RESP18: variants seen among roughly 807,000 people sequenced by gnomAD.
RESP18 encodes regulated endocrine-specific protein 18.
Under a neutral mutation model 30.0 loss-of-function variants are expected in RESP18, and 30 were observed. The observed-to-expected ratio is 1.00, with a 90% CI of 0.75 to 1.36. RESP18 has a LOEUF of 1.36. RESP18 is among the 40% of genes most tolerant of loss of function. RESP18 has a pLI of 0.00. For synonymous variants in RESP18, 117 were observed against 111.2 expected (o/e 1.05, Z -0.33); for missense variants, 320 against 284.2 (o/e 1.13, Z -0.91).
At chr2:219,333,062 A>T in intron 1 of RESP18, 1 of 1,099,634 alleles carries the variant, frequency 9.1e-7, no homozygotes, top group Non-Finnish European at 1.2e-6. Context: ...ACTCTGGCCC[A>T]CTTAAAACCC....
At position 219,329,240 on chromosome 2, in the gene RESP18, T is replaced by C; in HGVS notation, c.478A>G (p.Lys160Glu). The stretch of plus-strand genomic sequence containing the variant: ...GTAAAGCACTGATCCCTGTTCACCT[T>C]GGCCAGGGGGCTCTGTGAGGAGGGA... The change falls in exon 5 of 7, where the codon AAG (lysine) becomes GAG (glutamate). Residue 160 changes from lysine (K) to glutamate (E), a missense_variant. Coordinates refer to ENST00000333527, the MANE Select transcript of RESP18 (RefSeq NM_001007089.4). 2 of 1,551,678 alleles carry C rather than the reference T, an allele frequency of 1.3e-6. No homozygotes were observed. Among genetic ancestry groups the C allele is most frequent in the Non-Finnish European group, 1.7e-6 (2 of 1,146,984 alleles).
chr2:219,327,457 G>A lies in RESP18; in HGVS notation c.*60C>T. 1 of 1,422,652 alleles carries A rather than the reference G, an allele frequency of 7.0e-7. No individual in the cohort carries two copies. The highest frequency in any genetic ancestry group is 9.7e-7 in the Non-Finnish European group (1 of 1,029,834). 88.1% of individuals were successfully genotyped at this position (1,422,652 alleles called of 1,614,324 possible). On this transcript the variant is annotated 3_prime_UTR_variant, in exon 7 of 7. Coordinates refer to ENST00000333527, the MANE Select transcript of RESP18 (RefSeq NM_001007089.4). ...TTCAAATCTGGGTCATCCAAGAACT[G>A]CTCCTCTGAAGGGCAATGGGAAGGG... is the stretch of plus-strand genomic sequence containing the variant.
In RESP18 at chr2:219,329,618, C is replaced by T; in HGVS notation, c.465+19G>A. 1.3e-6 allele frequency: 2 copies of T among 1,551,128 alleles called. No individual in the cohort carries two copies. The highest frequency in any genetic ancestry group is 1.8e-4 in the Middle Eastern group (1 of 5,684). On this transcript the variant is annotated intron_variant, in intron 4 of 6. Coordinates refer to ENST00000333527, the MANE Select transcript of RESP18 (RefSeq NM_001007089.4). The stretch of plus-strand genomic sequence containing the variant: ...TCTGCCAGAATGCTTGGAATGACCA[C>T]AGGCCTCATGCACCTCACCTCAGTG...
rs1440512097 is a variant in RESP18 at position 219,333,115 on chromosome 2, AATATTATATAT to A, written c.17+35_17+45del. Reference sequence around the variant, plus strand: ...TTCGATCTGCTATATATATATATATAATATTATATATTATATATTATATATGGCACATCCAT... The same window carrying A: ...TTCGATCTGCTATATATATATATATATATATATTATATATGGCACATCCAT... On this transcript the variant is annotated intron_variant, in intron 1 of 6. Coordinates refer to ENST00000333527, the MANE Select transcript of RESP18 (RefSeq NM_001007089.4). 7.8e-6 allele frequency: 8 copies of A among 1,030,866 alleles called. No homozygotes were observed. The Admixed American group carries it at 3.7e-4, about 48-fold the overall frequency. 63.9% of individuals were successfully genotyped at this position (1,030,866 alleles called of 1,614,324 possible). A position where few individuals can be genotyped will look rare whatever the true frequency, so the allele number is the denominator to read the frequency against.
At chr2:219,331,664 TTCTC>T (rs1952832359) in intron 2 of RESP18, among the ~76,000 whole-genome samples, 1 of 151,802 alleles carries the variant, frequency 6.6e-6, no homozygotes, top group Non-Finnish European at 1.5e-5. Flanking sequence ...GGGGAGCTGA[TTCTC>T]TGAGGCAGCG....
chr2:219,332,786 C>T, intron 1 of RESP18, 42 bp from the exon 1 acceptor site: 6 of 1,435,774 alleles, frequency 4.2e-6, no homozygotes, highest in African/African-American at 1.4e-5. Flanking sequence ...CGGGCCCTGC[C>T]CCTGCGGTCG....
chr2:219,330,720 C>G (rs865799740), intron 3 of RESP18, 51 bp downstream of exon 2: 9 of 1,203,932 alleles, frequency 7.5e-6, no homozygotes, highest in South Asian at 2.8e-5. Flanking sequence ...CCTCTTCCCC[C>G]CTCCCCATCT....
At chr2:219,330,211 G>C (rs1448082868) in intron 3 of RESP18, among the ~76,000 whole-genome samples, 2 of 152,190 alleles carry the variant, frequency 1.3e-5, no homozygotes, top group East Asian at 3.8e-4. Flanking sequence ...GGTGCACTTT[G>C]AGAACTACTG....
Position 219,332,749 on chromosome 2 carries a change from C to A in RESP18, c.18-11G>T. 5.2e-6 allele frequency: 8 copies of A among 1,527,086 alleles called. No individual in the cohort carries two copies. Among genetic ancestry groups the A allele is most frequent in the Non-Finnish European group, 7.1e-6 (8 of 1,131,028 alleles). 94.6% of individuals were successfully genotyped at this position (1,527,086 alleles called of 1,614,324 possible). On this transcript the variant is annotated splice_polypyrimidine_tract_variant and intron_variant, in intron 1 of 6. Coordinates refer to ENST00000333527, the MANE Select transcript of RESP18 (RefSeq NM_001007089.4). ...CCCGCGACTCCGAATCTGTTTAACCCTCCTCGGCAGTTCAGCCAATCGTGA... is the reference window on the plus strand; with the variant it reads ...CCCGCGACTCCGAATCTGTTTAACCATCCTCGGCAGTTCAGCCAATCGTGA...
chr2:219,331,575 CA>C (rs1952831268), intron 2 of RESP18, among the ~76,000 whole-genome samples: 2 of 152,136 alleles, frequency 1.3e-5, no homozygotes, highest in Non-Finnish European at 2.9e-5. Context: ...TAAGTAGAGA[CA>C]TTTGGGGATG....
At chr2:219,332,257 CCT>C (rs1952839218) in intron 2 of RESP18, among the ~76,000 whole-genome samples, 1 of 152,134 alleles carries the variant, frequency 6.6e-6, no homozygotes, top group Non-Finnish European at 1.5e-5. Flanking sequence ...GCCAGTTTTA[CCT>C]CTCTCTGTTC....
At chr2:219,333,099 C>CTATATA in intron 1 of RESP18, 5 of 1,145,494 alleles carry the variant, frequency 4.4e-6, no homozygotes, top group Admixed American at 3.2e-5. Context: ...GTTCGATCTG[C>CTATATA]TATATATATA....
At chr2:219,329,886 T>A in intron 3 of RESP18, 122 bp from the exon 3 acceptor site, 1 of 1,036,344 alleles carries the variant, frequency 9.6e-7, no homozygotes, top group Admixed American at 2.7e-5. Flanking sequence ...TTAAACAAGA[T>A]GATGTATTAA....
chr2:219,329,887 G>T, intron 3 of RESP18, 123 bp from the exon 3 acceptor site: 1 of 1,028,882 alleles, frequency 9.7e-7, no homozygotes, highest in Non-Finnish European at 1.4e-6. Flanking sequence ...TAAACAAGAT[G>T]ATGTATTAAA....
intron 6 of RESP18, among the ~76,000 whole-genome samples, chr2:219,327,966 C>T (rs1339764273): frequency 1.3e-5 from 2 of 152,158 alleles, no homozygotes; most frequent in Non-Finnish European, 2.9e-5. Flanking sequence ...AGCTGGAACC[C>T]CCTGTGGTGC....
chr2:219,333,134 T>C, intron 1 of RESP18: 1 of 1,439,110 alleles, frequency 6.9e-7, no homozygotes, highest in Non-Finnish European at 9.4e-7. Flanking sequence ...TATTATATAT[T>C]ATATATGGCA....
At chr2:219,329,575 C>G in intron 4 of RESP18, 62 bp downstream of exon 3, 1 of 1,546,474 alleles carries the variant, frequency 6.5e-7, no homozygotes, top group South Asian at 1.2e-5. Context: ...AGCACACATT[C>G]CTTCCCTGTT....
chr2:219,330,642 G>T (rs879041858), intron 3 of RESP18, 129 bp downstream of exon 2: 4 of 628,440 alleles, frequency 6.4e-6, no homozygotes, highest in South Asian at 5.9e-5. Context: ...CCCCATGGGG[G>T]TAAATGTGAC....
In RESP18 at chr2:219,330,889, AGTG is replaced by A. The variant is rs1399369797; in HGVS notation, c.233-17_233-15del. ...GGTCCTGACCATCTAAGGGCAAAAT[AGTG>A]GTGTCAGCAAGGAACCTGGCCAGAG... On this transcript the variant is annotated splice_polypyrimidine_tract_variant and intron_variant, in intron 2 of 6. Coordinates refer to ENST00000333527, the MANE Select transcript of RESP18 (RefSeq NM_001007089.4). The A allele has an allele frequency of 4.0e-6, 6 of 1,499,750 alleles. No individual in the cohort carries two copies. Among genetic ancestry groups the A allele is most frequent in the African/African-American group, 2.8e-5 (2 of 71,978 alleles). 92.9% of individuals were successfully genotyped at this position (1,499,750 alleles called of 1,614,324 possible).
Sources: gnomAD v4.1 joint callset for allele counts (sites outside exome capture counted in the v4.1 genomes callset) on GRCh38, gnomAD v4.1.1 for gene constraint, MANE v1.5 for transcripts, NCBI Gene and HGNC (gene_info 2026-07-23, HGNC 2026-07-21) for gene names.